The following DCDC1 variants were observed in gnomAD, a reference collection of about 807,000 sequenced individuals.
DCDC1 encodes doublecortin domain-containing protein 1.
A neutral mutation model predicts 178.3 loss-of-function variants in DCDC1; 200 were observed. That is an observed-to-expected ratio of 1.12 (90% CI 1.00 to 1.26). The LOEUF is 1.26. Among genes scored for constraint, DCDC1 ranks in the 50% most tolerant of loss-of-function variants. DCDC1 has a pLI of 0.00. For missense variants in DCDC1, 1,983 were observed against 1,749.2 expected (o/e 1.13, Z -2.38); for synonymous variants, 690 against 604.8 (o/e 1.14, Z -2.07).
chr11:30,916,748 T>C, intron 26 of DCDC1, 122 bp downstream of exon 26: 4 of 1,136,888 alleles, frequency 3.5e-6, no homozygotes, highest in Non-Finnish European at 4.6e-6. Context: ...AAGACAAAAA[T>C]GTGCATGTTG....
chr11:31,270,332 T>A (rs1435670036), intron 7 of DCDC1, among the ~76,000 whole-genome samples: 1 of 152,238 alleles, frequency 6.6e-6, no homozygotes, highest in Non-Finnish European at 1.5e-5. Context: ...CATTTACATA[T>A]CTTCTATGGC....
chr11:31,052,009 A>C (rs572041735), intron 20 of DCDC1, among the ~76,000 whole-genome samples: 1 of 152,222 alleles, frequency 6.6e-6, no homozygotes. Context: ...TTCAATACTA[A>C]CATTGAATGT....
intron 20 of DCDC1, among the ~76,000 whole-genome samples, chr11:31,054,378 T>C (rs1444161845): frequency 6.6e-6 from 1 of 152,060 alleles, no homozygotes; most frequent in Non-Finnish European, 1.5e-5. Flanking sequence ...TCCTCACAGA[T>C]GGGTAGAACT....
At chr11:31,019,815 A>G (rs1175309879) in intron 20 of DCDC1, among the ~76,000 whole-genome samples, 1 of 152,060 alleles carries the variant, frequency 6.6e-6, no homozygotes, top group African/African-American at 2.4e-5. Flanking sequence ...AGAATAAACC[A>G]AGACCCTCCT....
chr11:31,182,800 ACTGGCAAG>A (rs2136295718), intron 9 of DCDC1, among the ~76,000 whole-genome samples: 1 of 152,302 alleles, frequency 6.6e-6, no homozygotes, highest in South Asian at 2.1e-4. Context: ...AAAGACCCAG[ACTGGCAAG>A]CTGAATAAAG....
Position 30,920,818 on chromosome 11 carries a change from T to G in DCDC1, c.3251A>C (p.Gln1084Pro). The change falls in exon 25 of 39, where the codon CAA (glutamine) becomes CCA (proline). Residue 1084 changes from glutamine to proline, a missense_variant. Transcript: ENST00000684477. ...ATTTTCCGTTGTTAGAGGATCTTCT[T>G]GCATTTGCTTTTCTTCCGGTTCTGT... The part of the protein sequence containing the change: ...QVTEPEEKQM[Q>P]EDPLTTENAS... 1 of 1,613,740 alleles carries G rather than the reference T, an allele frequency of 6.2e-7. No homozygotes were observed. Among genetic ancestry groups the G allele is most frequent in the East Asian group, 2.2e-5 (1 of 44,866 alleles).
At chr11:31,203,565 T>C (rs1278961019) in intron 9 of DCDC1, among the ~76,000 whole-genome samples, 2 of 152,160 alleles carry the variant, frequency 1.3e-5, no homozygotes, top group Non-Finnish European at 2.9e-5. Flanking sequence ...ACCCAGGGGC[T>C]CCCCTGTTGA....
chr11:31,249,651 GT>G (rs1943830361), intron 8 of DCDC1, among the ~76,000 whole-genome samples: 1 of 152,140 alleles, frequency 6.6e-6, no homozygotes, highest in South Asian at 2.1e-4. Context: ...GGCTGCCTTT[GT>G]GTATACCAAG....
chr11:31,284,940 T>C (rs1292768301), intron 7 of DCDC1, among the ~76,000 whole-genome samples: 1 of 152,146 alleles, frequency 6.6e-6, no homozygotes, highest in Admixed American at 6.6e-5. Context: ...TGCCCGGCCA[T>C]GTTAATGTCT....
chr11:31,307,536 T>A (rs918757836), intron 4 of DCDC1, 103 bp downstream of exon 4: 36 of 1,448,710 alleles, frequency 2.5e-5, no homozygotes, highest in Non-Finnish European at 3.0e-5. Context: ...AGAGATGTGT[T>A]ACATTTTAAT....
chr11:31,221,268 G>A (rs1468517290), intron 9 of DCDC1, among the ~76,000 whole-genome samples: 4 of 152,048 alleles, frequency 2.6e-5, no homozygotes, highest in Non-Finnish European at 5.9e-5. Context: ...TCAACCTGAG[G>A]CAAAATTCCT....
At chr11:31,213,362 T>G (rs924241009) in intron 9 of DCDC1, among the ~76,000 whole-genome samples, 1 of 151,854 alleles carries the variant, frequency 6.6e-6, no homozygotes, top group Non-Finnish European at 1.5e-5. Flanking sequence ...AGTCTATTTA[T>G]CAATTTGTTT....
chr11:30,903,599 A>G lies in DCDC1; in HGVS notation c.4393T>C (p.Leu1465=), dbSNP rs764592720. Residue 1465 remains leucine, a synonymous_variant, in exon 32 of 39, where the codon TTG becomes CTG. Transcript: ENST00000684477. ...YTKDGTPIFT[L]RDLVLWALDE... is the part of the protein sequence containing the mutation. ...AGAGCCCATAAAACCAAATCACGCA[A>G]GGTAAAGATTGGGGTTCCATCTTTG... 74 of 1,610,942 alleles carry G rather than the reference A, an allele frequency of 4.6e-5. No homozygotes were observed. In the African/African-American group the frequency reaches 8.3e-4, roughly 18 times the overall value.
intron 20 of DCDC1, among the ~76,000 whole-genome samples, chr11:31,060,200 T>C (rs1955834042): frequency 6.6e-6 from 1 of 152,082 alleles, no homozygotes; most frequent in Admixed American, 6.6e-5. Flanking sequence ...ACGCTCAATT[T>C]TATTTCATGC....
rs775237882 is a variant in DCDC1, at chr11:30,911,384, C to T, written c.3690G>A (p.Leu1230=). 1.4e-5 allele frequency: 22 copies of T among 1,604,856 alleles called. No individual in the cohort carries two copies. In the South Asian group the frequency reaches 2.3e-4, roughly 16 times the overall value. The stretch of plus-strand genomic sequence containing the variant: ...TTCTAGTCTTGGTCATAGACACTGC[C>T]AGCACAAGGTCAGGGTTACTCACAA... ...FHLVSNPDLV[L]AVSMTKTRNE... The change falls in exon 28 of 39, where the codon CTG becomes CTA. Residue 1230 remains leucine (L), a synonymous_variant. Coordinates refer to ENST00000684477, the MANE Select transcript of DCDC1 (RefSeq NM_001387274.1).
intron 20 of DCDC1, among the ~76,000 whole-genome samples, chr11:31,011,047 G>A (rs1952137261): frequency 6.6e-6 from 1 of 152,016 alleles, no homozygotes; most frequent in Non-Finnish European, 1.5e-5. Context: ...TATGACAGAG[G>A]TGATGTTAAA....
At chr11:31,362,467 A>G (rs1221626237) in intron 1 of DCDC1, among the ~76,000 whole-genome samples, 1 of 152,220 alleles carries the variant, frequency 6.6e-6, no homozygotes, top group East Asian at 1.9e-4. Context: ...ATATGAAAAT[A>G]TACAATTAAT....
chr11:31,210,367 G>C (rs1972349670), intron 9 of DCDC1, among the ~76,000 whole-genome samples: 2 of 152,196 alleles, frequency 1.3e-5, no homozygotes, highest in African/African-American at 4.8e-5. Context: ...TTTATTGACT[G>C]AATGACTAAT....
At chr11:31,288,600 C>G (rs576064720) in intron 7 of DCDC1, among the ~76,000 whole-genome samples, 1 of 151,866 alleles carries the variant, frequency 6.6e-6, no homozygotes, top group Non-Finnish European at 1.5e-5. Flanking sequence ...CTCTTCTTAT[C>G]TCATTGCAAT....
Sources: gnomAD v4.1 joint callset for allele counts (sites outside exome capture counted in the v4.1 genomes callset) on GRCh38, gnomAD v4.1.1 for gene constraint, MANE v1.5 for transcripts, NCBI Gene and HGNC (gene_info 2026-07-23, HGNC 2026-07-21) for gene names.